ABCB5: variants seen among roughly 807,000 people sequenced by gnomAD.
ABCB5 encodes ATP binding cassette subfamily B member 5, also known as ATP-binding cassette sub-family B member 5.
Under a neutral mutation model 144.2 loss-of-function variants are expected in ABCB5, and 155 were observed. That is an observed-to-expected ratio of 1.08 (90% CI 0.94 to 1.23). The LOEUF is 1.23. Among genes scored for constraint, ABCB5 ranks in the 50% most tolerant of loss-of-function variants. ABCB5 has a pLI of 0.00. For missense variants in ABCB5, 1,830 were observed against 1,520.8 expected, an observed-to-expected ratio of 1.20 and a Z score of -3.38; for synonymous variants, 610 against 528.6, an observed-to-expected ratio of 1.15 and a Z score of -2.11.
intron 1 of ABCB5, among the ~76,000 whole-genome samples, chr7:20,618,609 T>G (rs1022091637): frequency 3.2e-4 from 49 of 152,072 alleles, no homozygotes; most frequent in African/African-American, 1.1e-3. Context: ...TTTCTCATCT[T>G]TATGTCCATG....
chr7:20,712,891 A>C (rs1195562945), intron 20 of ABCB5, among the ~76,000 whole-genome samples: 2 of 149,720 alleles, frequency 1.3e-5, no homozygotes, highest in Non-Finnish European at 3.0e-5. Context: ...TCACATACTT[A>C]TTTTTTGTGT....
At chr7:20,709,441 C>T (rs2128045649) in intron 20 of ABCB5, among the ~76,000 whole-genome samples, 1 of 149,946 alleles carries the variant, frequency 6.7e-6, no homozygotes, top group Admixed American at 6.6e-5. Flanking sequence ...TTTTTCAGCA[C>T]TATTTAGTGT....
intron 4 of ABCB5, among the ~76,000 whole-genome samples, chr7:20,629,652 C>A (rs1192135256): frequency 6.6e-6 from 1 of 152,030 alleles, no homozygotes; most frequent in African/African-American, 2.4e-5. Flanking sequence ...ATCCCAGCTA[C>A]TCGGGAGGCT....
intron 15 of ABCB5, 148 bp from the exon 16 acceptor site, chr7:20,685,548 C>A: frequency 3.2e-6 from 2 of 632,720 alleles, no homozygotes; most frequent in Non-Finnish European, 2.6e-6. Flanking sequence ...AGCTCTCTAT[C>A]AAGCCTGAAA....
At chr7:20,683,042 A>G (rs1785878583) in intron 15 of ABCB5, among the ~76,000 whole-genome samples, 1 of 151,846 alleles carries the variant, frequency 6.6e-6, no homozygotes, top group South Asian at 2.1e-4. Flanking sequence ...ACTGATTTCA[A>G]CCCTTTTTGG....
intron 14 of ABCB5, among the ~76,000 whole-genome samples, chr7:20,663,410 T>G (rs1785067508): frequency 6.6e-6 from 1 of 152,288 alleles, no homozygotes; most frequent in East Asian, 1.9e-4. Context: ...TACTACCAGT[T>G]TTTAAAAGGA....
intron 15 of ABCB5, among the ~76,000 whole-genome samples, chr7:20,684,931 C>T (rs978767688): frequency 6.6e-6 from 1 of 152,236 alleles, no homozygotes; most frequent in African/African-American, 2.4e-5. Flanking sequence ...TCTTGTCCTT[C>T]TCCTCCCATC....
At chr7:20,654,023 T>C (rs1247368843) in intron 13 of ABCB5, among the ~76,000 whole-genome samples, 1 of 152,178 alleles carries the variant, frequency 6.6e-6, no homozygotes, top group Non-Finnish European at 1.5e-5. Context: ...GACCAAGCCA[T>C]GACAAGATGC....
chr7:20,661,520 GCTTT>G (rs1172898901), intron 14 of ABCB5, among the ~76,000 whole-genome samples: 1 of 146,574 alleles, frequency 6.8e-6, no homozygotes, highest in East Asian at 2.0e-4. Flanking sequence ...ATTCTTTTTT[GCTTT>G]CTTTCTTTTC....
At chr7:20,720,479 T>A (rs1408891855) in intron 20 of ABCB5, among the ~76,000 whole-genome samples, 2 of 152,104 alleles carry the variant, frequency 1.3e-5, no homozygotes, top group Non-Finnish European at 2.9e-5. Context: ...ATGGGACCAA[T>A]CAAAACTGCG....
Position 20,699,934 on chromosome 7 carries a change from GC to G in ABCB5, c.2259+6del. The G allele has an allele frequency of 1.9e-6, 3 of 1,609,020 alleles. No homozygotes were observed. Among genetic ancestry groups the G allele is most frequent in the Non-Finnish European group, 1.7e-6 (2 of 1,176,598 alleles). On this transcript the variant is annotated splice_donor_region_variant and intron_variant, in intron 18 of 27. Transcript: ENST00000404938. ...TTTGTCAGTTATTTCATGCAGGTAA[GC>G]TTTTAATAAACAAGCCTGAGCATGA...
intron 13 of ABCB5, among the ~76,000 whole-genome samples, chr7:20,655,138 T>C (rs955317646): frequency 6.6e-6 from 1 of 151,470 alleles, no homozygotes; most frequent in Non-Finnish European, 1.5e-5. Context: ...AGAAGGTACA[T>C]GACTATTGAT....
chr7:20,717,230 C>T (rs1374810246), intron 20 of ABCB5, among the ~76,000 whole-genome samples: 1 of 152,048 alleles, frequency 6.6e-6, no homozygotes. Context: ...TTAGTCAGCT[C>T]GGGCTTCCAT....
At chr7:20,709,074 T>G (rs995496094) in intron 20 of ABCB5, among the ~76,000 whole-genome samples, 1 of 152,224 alleles carries the variant, frequency 6.6e-6, no homozygotes, top group Non-Finnish European at 1.5e-5. Flanking sequence ...ATAATCTACC[T>G]TATTTTTTAA....
At chr7:20,697,519 C>G (rs1786461382) in intron 16 of ABCB5, among the ~76,000 whole-genome samples, 1 of 152,144 alleles carries the variant, frequency 6.6e-6, no homozygotes, top group Non-Finnish European at 1.5e-5. Context: ...TTATTGCAGA[C>G]AAGAGCCAAG....
chr7:20,718,486 G>C (rs903921363), intron 20 of ABCB5, among the ~76,000 whole-genome samples: 1 of 152,126 alleles, frequency 6.6e-6, no homozygotes. Flanking sequence ...GTTTGCTGTT[G>C]TGTGTTTTTA....
chr7:20,738,365 A>T (rs778053618), intron 23 of ABCB5, among the ~76,000 whole-genome samples: 9 of 152,222 alleles, frequency 5.9e-5, no homozygotes, highest in Non-Finnish European at 1.0e-4. Context: ...CCATTTTATA[A>T]TTAACATGTT....
chr7:20,661,602 C>T (rs1452384263), intron 14 of ABCB5, among the ~76,000 whole-genome samples: 1 of 145,936 alleles, frequency 6.9e-6, no homozygotes, highest in Non-Finnish European at 1.5e-5. Context: ...GTGGCATGAT[C>T]TTCACTCACT....
At chr7:20,623,905 C>A (rs1424552204) in intron 2 of ABCB5, among the ~76,000 whole-genome samples, 1 of 152,136 alleles carries the variant, frequency 6.6e-6, no homozygotes, top group Non-Finnish European at 1.5e-5. Flanking sequence ...CCCTCCAGGT[C>A]ATGTAGTTTA....
Sources: allele counts gnomAD v4.1 joint callset (sites outside exome capture counted in the v4.1 genomes callset), GRCh38; gene constraint gnomAD v4.1.1; transcripts MANE v1.5; gene names NCBI Gene and HGNC (gene_info 2026-07-23, HGNC 2026-07-21).